Variants in KRTAP9-3 observed in about 807,000 individuals in gnomAD.
KRTAP9-3 encodes the protein keratin associated protein 9-3.
KRTAP9-3 carries 12 observed loss-of-function variants against 13.0 expected under a neutral mutation model. The ratio of observed to expected loss-of-function variants is 0.93; its 90% CI spans 0.59 to 1.50. The LOEUF (loss-of-function observed/expected upper bound fraction) is 1.50. Among genes scored for constraint, KRTAP9-3 ranks in the 40% most tolerant of loss-of-function variants. The pLI is 0.00. For missense variants in KRTAP9-3, 232 were observed against 195.2 expected (o/e 1.19, Z -1.12); for synonymous variants, 89 against 68.7 (o/e 1.29, Z -1.46).
chr17:41,233,018 C>T lies in KRTAP9-3; in HGVS notation c.*37C>T. ...GAGAACTACCATCCTCACACAACAACCTTCAGCTCAACTGACTTGTCTTTT... is the reference window on the plus strand; with the variant it reads ...GAGAACTACCATCCTCACACAACAATCTTCAGCTCAACTGACTTGTCTTTT... On this transcript the variant is annotated 3_prime_UTR_variant, in exon 1 of 1. Coordinates refer to ENST00000411528, the MANE Select transcript of KRTAP9-3 (RefSeq NM_031962.3). The T allele has an allele frequency of 6.2e-7, 1 of 1,603,628 alleles. No individual in the cohort carries two copies. The highest frequency in any genetic ancestry group is 8.5e-7 in the Non-Finnish European group (1 of 1,176,428).
rs1190890401 is a variant in KRTAP9-3, at chr17:41,233,185, G to A, written c.*204G>A. The A allele has an allele frequency of 3.4e-6, 3 of 884,436 alleles. No homozygotes were observed. The African/African-American group carries it at 5.6e-5, about 17-fold the overall frequency. The allele number at this position is 884,436 out of a possible 1,614,324, so 54.8% of individuals were successfully genotyped here. On this transcript the variant is annotated 3_prime_UTR_variant, in exon 1 of 1. Coordinates refer to ENST00000411528, the MANE Select transcript of KRTAP9-3 (RefSeq NM_031962.3). ...CTCATTCCCTCTTTCCTTACACCTT[G>A]TGGATCATGTGCCAGCTTCGTCTGT...
Position 41,232,573 on chromosome 17 carries a change from G to T in KRTAP9-3, c.72G>T (p.Val24=), listed in dbSNP as rs1568056799. The part of the protein sequence containing the change: ...CRTTCWQPTT[V]TTCSSTPCCQ... ...CCACCTGCTGGCAGCCCACCACTGT[G>T]ACCACCTGCAGCAGCACACCCTGCT... Residue 24 remains valine, a synonymous_variant, in exon 1 of 1, where the codon GTG becomes GTT. Transcript: ENST00000411528. The T allele has an allele frequency of 1.6e-5, 26 of 1,603,550 alleles. No homozygotes were observed. The highest frequency in any genetic ancestry group is 2.2e-5 in the Non-Finnish European group (26 of 1,177,022).
At chr17:41,232,582 C>A in the KRTAP9-3 span, 1 of 1,603,966 alleles carries the variant, frequency 6.2e-7, no homozygotes, top group Non-Finnish European at 8.5e-7. Flanking sequence ...TGACCACCTG[C>A]AGCAGCACAC....
In KRTAP9-3 at chr17:41,232,772, G is replaced by T. The variant is rs774460136; in HGVS notation, c.271G>T (p.Gly91Cys). The T allele has an allele frequency of 1.2e-6, 2 of 1,607,232 alleles. No individual in the cohort carries two copies. Among genetic ancestry groups the T allele is most frequent in the Non-Finnish European group, 1.7e-6 (2 of 1,179,894 alleles). Residue 91 changes from glycine to cysteine, a missense_variant, in exon 1 of 1, where the codon GGT (glycine) becomes TGT (cysteine). Physicochemically the swap from Gly to Cys is radical, Grantham distance 159 (BLOSUM62 -3). Transcript: ENST00000411528. ...CQPTCCGSSCGQSSSCAPVYC... is the reference protein window; with the variant it reads ...CQPTCCGSSCCQSSSCAPVYC... ...GCCCACATGCTGTGGGTCCAGCTGTGGTCAGAGCAGCTCCTGTGCACCTGT... is the reference window on the plus strand; with the variant it reads ...GCCCACATGCTGTGGGTCCAGCTGTTGTCAGAGCAGCTCCTGTGCACCTGT...
In KRTAP9-3 at chr17:41,232,850, C is replaced by A. The variant is rs1204615916; in HGVS notation, c.349C>A (p.Leu117Ile). The A allele has an allele frequency of 5.0e-6, 8 of 1,608,128 alleles. No homozygotes were observed. The highest frequency in any genetic ancestry group is 2.5e-6 in the Non-Finnish European group (3 of 1,180,002). The stretch of plus-strand genomic sequence containing the variant: ...CACAAGTGTTTGTCTGCCTGGTTGC[C>A]TAAACCAGAGCTGTGGCTCCAACTG... ...HPTSVCLPGCLNQSCGSNCCQ... is the reference protein window; with the variant it reads ...HPTSVCLPGCINQSCGSNCCQ... The change falls in exon 1 of 1, where the codon CTA becomes ATA. Residue 117 changes from leucine (L) to isoleucine (I), a missense_variant. Coordinates refer to ENST00000411528, the MANE Select transcript of KRTAP9-3 (RefSeq NM_031962.3).
In KRTAP9-3 at chr17:41,232,716, A is replaced by C; in HGVS notation, c.215A>C (p.Gln72Pro). 6.2e-7 allele frequency: 1 copy of C among 1,608,320 alleles called. No individual in the cohort carries two copies. Among genetic ancestry groups the C allele is most frequent in the Non-Finnish European group, 8.5e-7 (1 of 1,179,890 alleles). ...CQPICVTSCC[Q>P]PSCCSTPCCQ... The stretch of plus-strand genomic sequence containing the variant: ...CCCATCTGTGTGACCAGCTGCTGCC[A>C]GCCTTCCTGCTGTAGCACACCCTGC... Residue 72 changes from glutamine (Q) to proline (P), a missense_variant, in exon 1 of 1, where the codon CAG becomes CCG. By Grantham distance (76) the Gln-to-Pro change is moderately conservative. Coordinates refer to ENST00000411528, the MANE Select transcript of KRTAP9-3 (RefSeq NM_031962.3).
Position 41,233,308 on chromosome 17 carries a change from T to C in KRTAP9-3, c.*327T>C, listed in dbSNP as rs1598039257. 1 of 442,426 alleles carries C rather than the reference T, an allele frequency of 2.3e-6. No homozygotes were observed. Among genetic ancestry groups the C allele is most frequent in the East Asian group, 3.9e-5 (1 of 25,470 alleles). 27.4% of individuals were successfully genotyped at this position (442,426 alleles called of 1,614,324 possible). On this transcript the variant is annotated 3_prime_UTR_variant, in exon 1 of 1. Coordinates refer to ENST00000411528, the MANE Select transcript of KRTAP9-3 (RefSeq NM_031962.3). ...AGGTTTCTGCAACTGATCAATCATC[T>C]TTGCAATTATATTTTCATTTTAAAT...
chr17:41,232,606 C>G lies in KRTAP9-3; in HGVS notation c.105C>G (p.Pro35=), dbSNP rs747973452. 3 of 1,603,232 alleles carry G rather than the reference C, an allele frequency of 1.9e-6. 1 individual carries two copies. The highest frequency in any genetic ancestry group is 2.6e-6 in the Non-Finnish European group (3 of 1,176,224). Residue 35 remains proline (P), a synonymous_variant, in exon 1 of 1, where the codon CCC becomes CCG. Transcript: ENST00000411528. ...GCAGCAGCACACCCTGCTGTCAGCC[C>G]TCCTGCTGTGTTTCCAGCTGCTGCC... ...TTCSSTPCCQ[P]SCCVSSCCQP...
chr17:41,233,383 T>C lies in KRTAP9-3; in HGVS notation c.*402T>C. Reference sequence around the variant, plus strand: ...TTCTTTCTTCTTTTCACGATAACTTTGGGTTATGTCTCTGGTAGCAGAGAT... The same window carrying C: ...TTCTTTCTTCTTTTCACGATAACTTCGGGTTATGTCTCTGGTAGCAGAGAT... On this transcript the variant is annotated 3_prime_UTR_variant, in exon 1 of 1. Coordinates refer to ENST00000411528, the MANE Select transcript of KRTAP9-3 (RefSeq NM_031962.3). The C allele has an allele frequency of 3.3e-6, 1 of 303,218 alleles. No homozygotes were observed. The highest frequency in any genetic ancestry group is 6.4e-6 in the Non-Finnish European group (1 of 157,070). The allele number at this position is 303,218 out of a possible 1,614,324, so 18.8% of individuals were successfully genotyped here. A position where few individuals can be genotyped will look rare whatever the true frequency, so the allele number is the denominator to read the frequency against.
Position 41,232,559 on chromosome 17 carries a change from C to A in KRTAP9-3, c.58C>A (p.Gln20Lys), listed in dbSNP as rs112082369. Reference protein sequence around the residue: ...QPTCCRTTCWQPTTVTTCSST... With the variant: ...QPTCCRTTCWKPTTVTTCSST... ...TACCTGCTGCAGGACCACCTGCTGGCAGCCCACCACTGTGACCACCTGCAG... is the reference window on the plus strand; with the variant it reads ...TACCTGCTGCAGGACCACCTGCTGGAAGCCCACCACTGTGACCACCTGCAG... The change falls in exon 1 of 1, where the codon CAG becomes AAG. Residue 20 changes from glutamine to lysine, a missense_variant. Transcript: ENST00000411528. 0.18 allele frequency: 284,241 copies of A among 1,603,048 alleles called. 29,178 individuals carry two copies. Among genetic ancestry groups the A allele is most frequent in the East Asian group, 0.29 (13,121 of 44,804 alleles).
Position 41,233,026 on chromosome 17 carries a change from T to C in KRTAP9-3, c.*45T>C, listed in dbSNP as rs2015890933. 3 of 1,600,952 alleles carry C rather than the reference T, an allele frequency of 1.9e-6. No individual in the cohort carries two copies. The highest frequency in any genetic ancestry group is 2.6e-6 in the Non-Finnish European group (3 of 1,174,910). On this transcript the variant is annotated 3_prime_UTR_variant, in exon 1 of 1. Transcript: ENST00000411528. The stretch of plus-strand genomic sequence containing the variant: ...CCATCCTCACACAACAACCTTCAGC[T>C]CAACTGACTTGTCTTTTGAGGGACT...
At chr17:41,232,827 CAAGT>C in the KRTAP9-3 span, 113 of 1,608,292 alleles carry the variant, frequency 7.0e-5, 1 homozygote, top group Non-Finnish European at 9.0e-5. Context: ...TACCACCCCA[CAAGT>C]GTTTGTCTGC....
rs765320790 is a variant in KRTAP9-3, at chr17:41,232,565, A to G, written c.64A>G (p.Thr22Ala). Residue 22 changes from threonine to alanine, a missense_variant, in exon 1 of 1, where the codon ACC becomes GCC. Transcript: ENST00000411528. ...TCCRTTCWQP[T>A]TVTTCSSTPC... ...CTGCAGGACCACCTGCTGGCAGCCCACCACTGTGACCACCTGCAGCAGCAC... is the reference window on the plus strand; with the variant it reads ...CTGCAGGACCACCTGCTGGCAGCCCGCCACTGTGACCACCTGCAGCAGCAC... 6.2e-7 allele frequency: 1 copy of G among 1,603,314 alleles called. No homozygotes were observed. The highest frequency in any genetic ancestry group is 1.7e-5 in the Admixed American group (1 of 59,728).
At position 41,232,764 on chromosome 17, in the gene KRTAP9-3, C is replaced by A; in HGVS notation, c.263C>A (p.Ser88Tyr). The change falls in exon 1 of 1, where the codon TCC (serine) becomes TAC (tyrosine). Residue 88 changes from serine to tyrosine, a missense_variant. Transcript: ENST00000411528. ...TPCCQPTCCG[S>Y]SCGQSSSCAP... ...TGCTGCCAGCCCACATGCTGTGGGT[C>A]CAGCTGTGGTCAGAGCAGCTCCTGT... is the stretch of plus-strand genomic sequence containing the variant. The A allele has an allele frequency of 6.2e-7, 1 of 1,608,092 alleles. No individual in the cohort carries two copies. The highest frequency in any genetic ancestry group is 8.5e-7 in the Non-Finnish European group (1 of 1,179,950).
Position 41,232,861 on chromosome 17 carries a change from C to A in KRTAP9-3, c.360C>A (p.Ser120Arg). ...SVCLPGCLNQ[S>R]CGSNCCQPCC... ...GTCTGCCTGGTTGCCTAAACCAGAG[C>A]TGTGGCTCCAACTGCTGCCAGCCCT... Residue 120 changes from serine (S) to arginine (R), a missense_variant, in exon 1 of 1, where the codon AGC becomes AGA. Ser to Arg is a moderately radical substitution (Grantham distance 110). Coordinates refer to ENST00000411528, the MANE Select transcript of KRTAP9-3 (RefSeq NM_031962.3). 1.2e-6 allele frequency: 2 copies of A among 1,608,362 alleles called. No homozygotes were observed. Among genetic ancestry groups the A allele is most frequent in the Non-Finnish European group, 1.7e-6 (2 of 1,179,972 alleles).
rs1421199459 is a variant in KRTAP9-3, at chr17:41,232,464, C to G, written c.-38C>G. 6.3e-7 allele frequency: 1 copy of G among 1,594,566 alleles called. No homozygotes were observed. Among genetic ancestry groups the G allele is most frequent in the Non-Finnish European group, 8.5e-7 (1 of 1,172,538 alleles). On this transcript the variant is annotated 5_prime_UTR_variant, in exon 1 of 1. Transcript: ENST00000411528. Reference sequence around the variant, plus strand: ...AGGGGTCATCAGATTTTGGGAAACTCACCTCTTAACAGAAGCCCACCCTCC... The same window carrying G: ...AGGGGTCATCAGATTTTGGGAAACTGACCTCTTAACAGAAGCCCACCCTCC...
Position 41,233,296 on chromosome 17 carries a change from T to A in KRTAP9-3, c.*315T>A. The stretch of plus-strand genomic sequence containing the variant: ...TCTAAGGAATTTAGGTTTCTGCAAC[T>A]GATCAATCATCTTTGCAATTATATT... On this transcript the variant is annotated 3_prime_UTR_variant, in exon 1 of 1. Coordinates refer to ENST00000411528, the MANE Select transcript of KRTAP9-3 (RefSeq NM_031962.3). 2.2e-6 allele frequency: 1 copy of A among 455,210 alleles called. No homozygotes were observed. The highest frequency in any genetic ancestry group is 3.7e-5 in the South Asian group (1 of 27,182). The allele number at this position is 455,210 out of a possible 1,614,324, so 28.2% of individuals were successfully genotyped here. A position where few individuals can be genotyped will look rare whatever the true frequency, so the allele number is the denominator to read the frequency against.
Position 41,232,751 on chromosome 17 carries a change from A to T in KRTAP9-3, c.250A>T (p.Thr84Ser), listed in dbSNP as rs1470627268. 1 of 1,608,098 alleles carries T rather than the reference A, an allele frequency of 6.2e-7. No homozygotes were observed. The highest frequency in any genetic ancestry group is 1.1e-5 in the South Asian group (1 of 91,060). Residue 84 changes from threonine (T) to serine (S), a missense_variant, in exon 1 of 1, where the codon ACA (threonine) becomes TCA (serine). Thr to Ser is a moderately conservative substitution (Grantham distance 58). Transcript: ENST00000411528. The stretch of plus-strand genomic sequence containing the variant: ...CTGTAGCACACCCTGCTGCCAGCCC[A>T]CATGCTGTGGGTCCAGCTGTGGTCA... Reference protein sequence around the residue: ...SCCSTPCCQPTCCGSSCGQSS... With the variant: ...SCCSTPCCQPSCCGSSCGQSS...
Position 41,233,422 on chromosome 17 carries a change from T to A in KRTAP9-3, c.*441T>A. 1 of 252,024 alleles carries A rather than the reference T, an allele frequency of 4.0e-6. No individual in the cohort carries two copies. Among genetic ancestry groups the A allele is most frequent in the Non-Finnish European group, 8.0e-6 (1 of 124,628 alleles). 15.6% of individuals were successfully genotyped at this position (252,024 alleles called of 1,614,324 possible). A position where few individuals can be genotyped will look rare whatever the true frequency, so the allele number is the denominator to read the frequency against. On this transcript the variant is annotated 3_prime_UTR_variant, in exon 1 of 1. Transcript: ENST00000411528. The stretch of plus-strand genomic sequence containing the variant: ...GGTAGCAGAGATTCTTACCTATATG[T>A]TTCTGAATAAACTCTGAACCATCTT...
Sources: gnomAD v4.1 joint callset for allele counts on GRCh38, gnomAD v4.1.1 for gene constraint, MANE v1.5 for transcripts, NCBI Gene and HGNC (gene_info 2026-07-23, HGNC 2026-07-21) for gene names.